The following CIROP variants were observed in gnomAD, a reference collection of about 807,000 sequenced individuals.
CIROP encodes the protein ciliated left-right organizer metallopeptidase.
chr14:23,102,985 T>C, the CIROP span: 4 of 583,246 alleles, frequency 6.9e-6, no homozygotes, highest in Non-Finnish European at 6.1e-6. Context: ...CAGTAGACAA[T>C]GGTACCAGCG....
At chr14:23,099,960 CAG>C in the CIROP span, 64 of 167,786 alleles carry the variant, frequency 3.8e-4, no homozygotes, top group Non-Finnish European at 6.6e-4. Context: ...CAATCCCTAA[CAG>C]TGCTTAAGAA....
At chr14:23,101,939 G>T in the CIROP span, 1 of 701,494 alleles carries the variant, frequency 1.4e-6, no homozygotes, top group South Asian at 1.5e-5. Context: ...AGGAAAGAGA[G>T]CCCTCAGCAA....
At chr14:23,101,676 G>C in the CIROP span, 7 of 702,854 alleles carry the variant, frequency 1.0e-5, no homozygotes, top group Non-Finnish European at 5.2e-6. Context: ...CACCCCATTG[G>C]CTAAGGGCTT....
the CIROP span, chr14:23,101,826 C>T: frequency 1.4e-6 from 1 of 702,878 alleles, no homozygotes; most frequent in South Asian, 1.5e-5. Flanking sequence ...GTCCCCTAAC[C>T]ACTCAGCACA....
At chr14:23,103,077 G>T in the CIROP span, 1 of 477,606 alleles carries the variant, frequency 2.1e-6, no homozygotes, top group South Asian at 5.0e-5. Context: ...GACAGGGTAG[G>T]GCCAGAAAGG....
the CIROP span, chr14:23,103,290 T>G: frequency 2.5e-6 from 1 of 398,678 alleles, no homozygotes; most frequent in Non-Finnish European, 4.4e-6. Flanking sequence ...GGCTCACGCC[T>G]GTAATCCTGA....
the CIROP span, chr14:23,102,046 G>T: frequency 1.4e-6 from 1 of 701,656 alleles, no homozygotes; most frequent in South Asian, 1.5e-5. Context: ...CCCCAGAGCT[G>T]ACTTGGGTCA....
the CIROP span, chr14:23,103,766 G>C: frequency 1.4e-6 from 1 of 702,982 alleles, no homozygotes; most frequent in Non-Finnish European, 2.6e-6. Flanking sequence ...GACCAGTTGT[G>C]GGGGACCCTG....
At chr14:23,103,416 T>G in the CIROP span, 1 of 405,094 alleles carries the variant, frequency 2.5e-6, no homozygotes, top group Non-Finnish European at 4.4e-6. Flanking sequence ...TAGCCGGACA[T>G]GGTGGTGCAT....
chr14:23,101,389 C>T, the CIROP span: 1 of 579,324 alleles, frequency 1.7e-6, no homozygotes, highest in African/African-American at 1.9e-5. Context: ...GTAGCAGCGG[C>T]CCATGAGCTC....
the CIROP span, chr14:23,102,228 G>A: frequency 1.4e-6 from 1 of 703,026 alleles, no homozygotes; most frequent in Non-Finnish European, 2.6e-6. Context: ...AAGAACCCTG[G>A]AGTAGTCTGG....
At chr14:23,103,653 G>C in the CIROP span, 5 of 698,632 alleles carry the variant, frequency 7.2e-6, no homozygotes, top group Non-Finnish European at 1.3e-5. Context: ...AGCAGGGAAA[G>C]GAAATTTGAT....
At chr14:23,102,031 A>G in the CIROP span, 2 of 700,864 alleles carry the variant, frequency 2.9e-6, no homozygotes, top group East Asian at 2.7e-5. Flanking sequence ...CCAGCCTCCC[A>G]CTTCCCCCAG....
the CIROP span, chr14:23,103,278 G>A: frequency 2.5e-6 from 1 of 399,926 alleles, no homozygotes; most frequent in Non-Finnish European, 4.4e-6. Context: ...GCTGGGCATG[G>A]TGGCTCACGC....
At chr14:23,104,528 C>T in the CIROP span, 1 of 702,662 alleles carries the variant, frequency 1.4e-6, no homozygotes, top group Admixed American at 2.0e-5. Context: ...AGTTCTCTTT[C>T]TGGGCTGATC....
chr14:23,104,858 G>C, the CIROP span: 2 of 700,726 alleles, frequency 2.9e-6, no homozygotes, highest in Non-Finnish European at 5.2e-6. Flanking sequence ...GTAGACATCG[G>C]CTTGCAGCAA....
the CIROP span, chr14:23,099,731 AG>A: frequency 3.3e-6 from 1 of 299,910 alleles, no homozygotes; most frequent in Admixed American, 5.2e-5. Context: ...CGTCTGGCTA[AG>A]GGGCTTTACC....
the CIROP span, chr14:23,103,792 A>G: frequency 2.6e-5 from 18 of 702,864 alleles, no homozygotes; most frequent in Non-Finnish European, 4.4e-5. Context: ...GCCACAAGGC[A>G]TAACCGCGAA....
chr14:23,100,682 C>T, the CIROP span: 1 of 398,962 alleles, frequency 2.5e-6, no homozygotes, highest in Non-Finnish European at 4.4e-6. Context: ...GAAATAGCAC[C>T]TAAATGGACA....
Sources: allele counts gnomAD v4.1 joint callset, GRCh38; gene constraint gnomAD v4.1.1; transcripts MANE v1.5; gene names NCBI Gene and HGNC (gene_info 2026-07-23, HGNC 2026-07-21).